C12orf42: variants seen among roughly 807,000 people sequenced by gnomAD.
The protein encoded by C12orf42 is uncharacterized protein C12orf42.
A neutral mutation model predicts 21.6 loss-of-function variants in C12orf42; 25 were observed. That is an observed-to-expected ratio of 1.16 (90% CI 0.84 to 1.62). C12orf42 has a LOEUF of 1.62. Ranked by LOEUF, C12orf42 falls within the 40% of genes most tolerant of loss-of-function variation. C12orf42 has a pLI of 0.00. For missense variants in C12orf42, 483 were observed against 459.3 expected (o/e 1.05, Z -0.47); for synonymous variants, 174 against 175.0 (o/e 0.99, Z 0.05).
chr12:103,277,043 A>C (rs1428319758), intron 5 of C12orf42: 2 of 425,284 alleles, frequency 4.7e-6, no homozygotes, highest in East Asian at 7.5e-5. Flanking sequence ...AAACACAGGA[A>C]ATTTTTTAAA....
intron 2 of C12orf42, chr12:103,441,609 G>A (rs553068960): frequency 6.6e-6 from 1 of 152,154 alleles, no homozygotes; most frequent in African/African-American, 2.4e-5. Context: ...GCCCACAAAG[G>A]GAGAGTCCTC....
Position 103,478,134 on chromosome 12 carries a change from G to A in C12orf42, c.78+215C>T, listed in dbSNP as rs1223383224. Reference sequence around the variant, plus strand: ...TAAGTTTTCCTAGCATAAATGTAATGTGTCCCTAATAGTGGGAAAAAAATA... The same window carrying A: ...TAAGTTTTCCTAGCATAAATGTAATATGTCCCTAATAGTGGGAAAAAAATA... On this transcript the variant is annotated intron_variant, in intron 2 of 5. Transcript: ENST00000548883. 4 of 446,854 alleles carry A rather than the reference G, an allele frequency of 9.0e-6. No individual in the cohort carries two copies. The South Asian group carries it at 9.1e-5, about 10-fold the overall frequency. The allele number at this position is 446,854 out of a possible 1,614,324, so 27.7% of individuals were successfully genotyped here. A position where few individuals can be genotyped will look rare whatever the true frequency, so the allele number is the denominator to read the frequency against.
chr12:103,497,770 G>A (rs191039453), upstream of C12orf42, among the ~76,000 whole-genome samples: 288 of 152,274 alleles, frequency 1.9e-3, 3 homozygotes, highest in African/African-American at 4.4e-3. Flanking sequence ...GGTGGCTCAC[G>A]CCTATAATTC....
intron 1 of C12orf42, among the ~76,000 whole-genome samples, chr12:103,493,679 A>T (rs1955324976): frequency 6.6e-6 from 1 of 150,554 alleles, no homozygotes; most frequent in African/African-American, 2.5e-5. Context: ...GGTGGAGGGG[A>T]AACTACAAAG....
intron 3 of C12orf42, among the ~76,000 whole-genome samples, chr12:103,394,867 G>A (rs1473097538): frequency 2.6e-5 from 4 of 152,224 alleles, no homozygotes; most frequent in Non-Finnish European, 4.4e-5. Flanking sequence ...AGACAGGTGG[G>A]AGATATGGTA....
the C12orf42 span, among the ~76,000 whole-genome samples, chr12:103,145,271 T>G: frequency 6.6e-6 from 1 of 152,182 alleles, no homozygotes; most frequent in Non-Finnish European, 1.5e-5. Context: ...TCCACAAAGG[T>G]AATTCTTAAG....
chr12:103,333,666 C>T (rs533069605), intron 4 of C12orf42, among the ~76,000 whole-genome samples: 1 of 152,062 alleles, frequency 6.6e-6, no homozygotes, highest in Non-Finnish European at 1.5e-5. Flanking sequence ...TATCAGGGTC[C>T]TCTTTCAATA....
At position 103,368,975 on chromosome 12, in the gene C12orf42, A is replaced by G. The variant is rs376605214; in HGVS notation, c.171T>C (p.Thr57=). The change falls in exon 4 of 6, where the codon ACT becomes ACC. Residue 57 remains threonine (T), a synonymous_variant. Coordinates refer to ENST00000548883, the MANE Select transcript of C12orf42 (RefSeq NM_198521.5). The part of the protein sequence containing the change: ...SAKHIPCYER[T]SVPCSRFINH... ...TAATGAATCTGGAGCAGGGTACTGA[A>G]GTTCTTTCATAACAAGGGATGTGCT... 53 of 1,595,106 alleles carry G rather than the reference A, an allele frequency of 3.3e-5. No individual in the cohort carries two copies. The African/African-American group carries it at 7.0e-4, about 21-fold the overall frequency.
At chr12:103,422,898 C>T (rs576516947) in intron 2 of C12orf42, among the ~76,000 whole-genome samples, 5 of 151,606 alleles carry the variant, frequency 3.3e-5, no homozygotes, top group South Asian at 2.1e-4. Context: ...AAAATAGGCC[C>T]GATTATGTGG....
At position 103,380,444 on chromosome 12, in the gene C12orf42, C is replaced by T. The variant is rs112180736; in HGVS notation, c.148-11446G>A. Among the ~76,000 whole-genome samples, 1,140 of 152,002 alleles carry T rather than the reference C, an allele frequency of 7.5e-3. 13 individuals carry two copies. Among genetic ancestry groups the T allele is most frequent in the African/African-American group, 0.026 (1,065 of 41,456 alleles). ...GCACTTCTTGGCAAAAGCAGGATGG[C>T]GTCAGAGTGCTCATTGCTGAATACA... On this transcript the variant is annotated intron_variant, in intron 3 of 5. Coordinates refer to ENST00000548883, the MANE Select transcript of C12orf42 (RefSeq NM_198521.5).
chr12:103,054,906 C>A, the C12orf42 span, among the ~76,000 whole-genome samples: 3 of 151,890 alleles, frequency 2.0e-5, no homozygotes, highest in Non-Finnish European at 4.4e-5. Flanking sequence ...ACCAGCCTTG[C>A]ATCTCTAGAA....
the C12orf42 span, among the ~76,000 whole-genome samples, chr12:103,158,254 C>T: frequency 6.6e-6 from 1 of 152,064 alleles, no homozygotes; most frequent in Non-Finnish European, 1.5e-5. Context: ...TTCCCAAGTC[C>T]AGGTAGATTT....
chr12:103,089,025 C>T, the C12orf42 span, among the ~76,000 whole-genome samples: 2 of 137,522 alleles, frequency 1.5e-5, no homozygotes, highest in Admixed American at 1.6e-4. Flanking sequence ...AGGCGTGAAC[C>T]CGGGAGGCGG....
chr12:103,140,373 C>T, the C12orf42 span, among the ~76,000 whole-genome samples: 17 of 152,284 alleles, frequency 1.1e-4, no homozygotes, highest in South Asian at 1.5e-3. Flanking sequence ...GAATGCCAAC[C>T]TATGTCTCTT....
chr12:103,538,389 G>C, the C12orf42 span, among the ~76,000 whole-genome samples: 2 of 152,196 alleles, frequency 1.3e-5, no homozygotes, highest in Non-Finnish European at 2.9e-5. Context: ...TTGACAAGCA[G>C]CATTCATCCC....
chr12:103,228,642 G>T, the C12orf42 span, among the ~76,000 whole-genome samples: 2 of 152,176 alleles, frequency 1.3e-5, no homozygotes, highest in African/African-American at 4.8e-5. Flanking sequence ...GGGATGAAGG[G>T]AAGGCTTCTG....
At chr12:103,094,999 A>G in the C12orf42 span, among the ~76,000 whole-genome samples, 1,806 of 152,326 alleles carry the variant, frequency 0.012, 39 homozygotes, top group African/African-American at 0.041. Context: ...ATTTTACCAC[A>G]GGTCCAAAAT....
chr12:103,450,799 A>G (rs1332135351), intron 2 of C12orf42, among the ~76,000 whole-genome samples: 1 of 152,114 alleles, frequency 6.6e-6, no homozygotes, highest in Admixed American at 6.6e-5. Context: ...TTGAAATAAA[A>G]GTAGATTGCA....
chr12:103,532,600 T>C, the C12orf42 span, among the ~76,000 whole-genome samples: 6 of 152,092 alleles, frequency 3.9e-5, no homozygotes, highest in African/African-American at 1.4e-4. Context: ...CTAAAGAAAA[T>C]TTAATAAGAA....
Sources: gnomAD v4.1 joint callset for allele counts (sites outside exome capture counted in the v4.1 genomes callset) on GRCh38, gnomAD v4.1.1 for gene constraint, MANE v1.5 for transcripts, NCBI Gene and HGNC (gene_info 2026-07-23, HGNC 2026-07-21) for gene names.